The following PPARGC1A variants were observed in gnomAD, a reference collection of about 807,000 sequenced individuals.
The protein encoded by PPARGC1A is PPARG coactivator 1 alpha, also known as peroxisome proliferator-activated receptor gamma coactivator 1-alpha.
Under a neutral mutation model 88.7 loss-of-function variants are expected in PPARGC1A, and 25 were observed. The observed-to-expected ratio is 0.28, with a 90% CI of 0.21 to 0.39. PPARGC1A has a LOEUF of 0.39. PPARGC1A is among the 10% of genes least tolerant of loss of function. The pLI, the probability that PPARGC1A is intolerant of heterozygous loss-of-function variation, is 1.00. For missense variants in PPARGC1A, 880 were observed against 968.7 expected (o/e 0.91, Z 1.22); for synonymous variants, 363 against 355.6 (o/e 1.02, Z -0.24).
chr4:24,344,539 G>A, the PPARGC1A span, among the ~76,000 whole-genome samples: 15 of 151,476 alleles, frequency 9.9e-5, no homozygotes, highest in Non-Finnish European at 2.2e-4. Context: ...TTGGCCATTT[G>A]TATATCTTCT....
At chr4:24,214,436 A>G in the PPARGC1A span, among the ~76,000 whole-genome samples, 1 of 152,224 alleles carries the variant, frequency 6.6e-6, no homozygotes, top group East Asian at 1.9e-4. Context: ...TTGAGCAGAA[A>G]GAATGACAGC....
At chr4:23,871,692 G>T (rs1713405411) in intron 2 of PPARGC1A, among the ~76,000 whole-genome samples, 1 of 152,136 alleles carries the variant, frequency 6.6e-6, no homozygotes, top group Non-Finnish European at 1.5e-5. Context: ...GAATACAGAA[G>T]CTCTAACTTC....
At chr4:23,898,696 C>T (rs1002768418) in intron 1 of PPARGC1A, among the ~76,000 whole-genome samples, 1 of 152,104 alleles carries the variant, frequency 6.6e-6, no homozygotes, top group African/African-American at 2.4e-5. Flanking sequence ...ATGAGAGATC[C>T]ATTTTAAACA....
At chr4:23,821,816 G>A (rs1723063882) in intron 7 of PPARGC1A, among the ~76,000 whole-genome samples, 1 of 151,898 alleles carries the variant, frequency 6.6e-6, no homozygotes, top group Admixed American at 6.6e-5. Flanking sequence ...CCACACACTA[G>A]ATGGGAGGTC....
At chr4:24,244,255 G>A in the PPARGC1A span, among the ~76,000 whole-genome samples, 15 of 152,124 alleles carry the variant, frequency 9.9e-5, no homozygotes, top group African/African-American at 3.6e-4. Context: ...AGCAACACAT[G>A]ATTACAGGGG....
In PPARGC1A at chr4:23,812,746, C is replaced by T; in HGVS notation, c.2019+1G>A. On this transcript the variant is annotated splice_donor_variant, in intron 10 of 12. Transcript: ENST00000264867. LOFTEE classifies it high-confidence loss of function. The stretch of plus-strand genomic sequence containing the variant: ...ATAAAAGTGAGCTCCAGGCCACTTA[C>T]AATTGCCTTCTGCCTCTGCCTCTCC... 6.2e-7 allele frequency: 1 copy of T among 1,613,902 alleles called. No homozygotes were observed. Among genetic ancestry groups the T allele is most frequent in the South Asian group, 1.1e-5 (1 of 91,078 alleles).
intron 1 of PPARGC1A, among the ~76,000 whole-genome samples, chr4:23,898,734 G>C (rs1356807644): frequency 6.6e-6 from 1 of 151,948 alleles, no homozygotes; most frequent in Non-Finnish European, 1.5e-5. Context: ...TTCTTTGAAG[G>C]GTCCAGATTG....
the PPARGC1A span, among the ~76,000 whole-genome samples, chr4:24,437,614 TG>T: frequency 6.6e-6 from 1 of 151,714 alleles, no homozygotes; most frequent in South Asian, 2.1e-4. Flanking sequence ...TTGTTGTTGT[TG>T]TTGTTGTTGT....
the PPARGC1A span, among the ~76,000 whole-genome samples, chr4:23,960,640 T>C: frequency 6.6e-6 from 1 of 152,242 alleles, no homozygotes; most frequent in South Asian, 2.1e-4. Flanking sequence ...GAAATTATCA[T>C]TATTTCCGGC....
chr4:23,797,858 C>G (rs184189815), intron 12 of PPARGC1A, among the ~76,000 whole-genome samples: 1 of 152,210 alleles, frequency 6.6e-6, no homozygotes, highest in Admixed American at 6.5e-5. Context: ...TGTCAGGCCT[C>G]TGAGCCCAAG....
chr4:24,023,460 C>CCA, the PPARGC1A span, among the ~76,000 whole-genome samples: 1 of 152,182 alleles, frequency 6.6e-6, no homozygotes, highest in Non-Finnish European at 1.5e-5. Flanking sequence ...CCCCTTGGTG[C>CCA]CACACACAGG....
chr4:24,426,787 T>C, the PPARGC1A span, among the ~76,000 whole-genome samples: 6 of 152,208 alleles, frequency 3.9e-5, no homozygotes, highest in Admixed American at 1.3e-4. Flanking sequence ...AGGAATCTTA[T>C]AATGATCTGA....
chr4:23,935,800 C>G, the PPARGC1A span, among the ~76,000 whole-genome samples: 2 of 152,120 alleles, frequency 1.3e-5, no homozygotes, highest in African/African-American at 4.8e-5. Context: ...TCAGTGCTAT[C>G]TGAATCCAAA....
the PPARGC1A span, among the ~76,000 whole-genome samples, chr4:24,278,279 CA>C: frequency 6.6e-6 from 1 of 152,090 alleles, no homozygotes; most frequent in East Asian, 1.9e-4. Context: ...TACAATGTAC[CA>C]AGCATAATTT....
At chr4:24,411,238 C>A in the PPARGC1A span, among the ~76,000 whole-genome samples, 1 of 152,298 alleles carries the variant, frequency 6.6e-6, no homozygotes, top group South Asian at 2.1e-4. Flanking sequence ...AGCCGACTGT[C>A]CTGGGTAACT....
At chr4:24,325,850 T>A in the PPARGC1A span, among the ~76,000 whole-genome samples, 3 of 152,286 alleles carry the variant, frequency 2.0e-5, no homozygotes, top group Non-Finnish European at 2.9e-5. Flanking sequence ...CTATTGTGGG[T>A]ATTGACAGCC....
the PPARGC1A span, among the ~76,000 whole-genome samples, chr4:24,413,838 C>A: frequency 1.3e-5 from 2 of 152,196 alleles, no homozygotes; most frequent in African/African-American, 4.8e-5. Flanking sequence ...TAATGAGAGG[C>A]CAGTCACTGA....
the PPARGC1A span, among the ~76,000 whole-genome samples, chr4:24,101,085 A>T: frequency 6.6e-6 from 1 of 152,184 alleles, no homozygotes; most frequent in Admixed American, 6.5e-5. Context: ...CCCAAATCTC[A>T]TATCGAATTG....
the PPARGC1A span, among the ~76,000 whole-genome samples, chr4:24,106,751 T>G: frequency 6.6e-6 from 1 of 152,220 alleles, no homozygotes; most frequent in Non-Finnish European, 1.5e-5. Context: ...TGTCCCTTGC[T>G]TCGGTCAATA....
Sources: allele counts gnomAD v4.1 joint callset (sites outside exome capture counted in the v4.1 genomes callset), GRCh38; gene constraint gnomAD v4.1.1; transcripts MANE v1.5; gene names NCBI Gene and HGNC (gene_info 2026-07-23, HGNC 2026-07-21).